The following SHISA9 variants were observed in gnomAD, a reference collection of about 807,000 sequenced individuals.
SHISA9 encodes the protein protein shisa-9.
Under a neutral mutation model 38.0 loss-of-function variants are expected in SHISA9, and 13 were observed. That is an observed-to-expected ratio of 0.34 (90% confidence interval 0.22 to 0.54). The LOEUF is 0.54. Ranked by LOEUF, SHISA9 falls within the 20% of genes least tolerant of loss-of-function variation. The probability of loss-of-function intolerance (pLI) is 0.91; values close to 1 mark genes in which losing one functional copy is unlikely to be tolerated. For missense variants in SHISA9, 538 were observed against 575.8 expected, an observed-to-expected ratio of 0.93 and a Z score of 0.67; for synonymous variants, 275 against 242.0, an observed-to-expected ratio of 1.14 and a Z score of -1.27.
At chr16:13,148,777 T>C (rs1199394857) in intron 2 of SHISA9, among the ~76,000 whole-genome samples, 7 of 150,928 alleles carry the variant, frequency 4.6e-5, no homozygotes, top group African/African-American at 1.5e-4. Flanking sequence ...TAATTCAACA[T>C]TGAAAAATTG....
At chr16:13,414,646 C>CTTTTTTTTTTTTTTTTTTTTTT in the SHISA9 span, among the ~76,000 whole-genome samples, 1 of 136,608 alleles carries the variant, frequency 7.3e-6, no homozygotes, top group Admixed American at 8.1e-5. Flanking sequence ...TTCTTTCTTT[C>CTTTTTTTTTTTTTTTTTTTTTT]TTTCTTTTTT....
chr16:13,522,171 A>G, the SHISA9 span, among the ~76,000 whole-genome samples: 124 of 152,324 alleles, frequency 8.1e-4, no homozygotes, highest in African/African-American at 3.0e-3. Flanking sequence ...AGAGGGCTGC[A>G]TTGGTATCTG....
chr16:13,549,233 G>T, the SHISA9 span, among the ~76,000 whole-genome samples: 52,236 of 152,052 alleles, frequency 0.34, 9,876 homozygotes, highest in East Asian at 0.61. Context: ...TTAGGGAAAT[G>T]GGGAGATGTA....
At chr16:13,244,327 C>T (rs548811504), downstream of SHISA9, among the ~76,000 whole-genome samples, 3 of 152,144 alleles carry the variant, frequency 2.0e-5, no homozygotes, top group Non-Finnish European at 2.9e-5. Flanking sequence ...CAGGGGTCCA[C>T]TTATGTGTGA....
intron 2 of SHISA9, among the ~76,000 whole-genome samples, chr16:13,037,465 G>A (rs1303003819): frequency 1.3e-5 from 2 of 152,040 alleles, no homozygotes; most frequent in Non-Finnish European, 2.9e-5. Context: ...GGGGAGGGGA[G>A]CAGCAGTGAG....
At chr16:13,462,916 C>T in the SHISA9 span, among the ~76,000 whole-genome samples, 2 of 152,056 alleles carry the variant, frequency 1.3e-5, no homozygotes, top group African/African-American at 2.4e-5. Context: ...GAGCCGAGAT[C>T]GCACCATTGC....
intron 2 of SHISA9, among the ~76,000 whole-genome samples, chr16:13,158,430 A>G (rs2050565734): frequency 6.6e-6 from 1 of 152,220 alleles, no homozygotes; most frequent in South Asian, 2.1e-4. Context: ...CAAAGAGAGA[A>G]AAAATAGCCA....
At chr16:13,557,189 A>C in the SHISA9 span, among the ~76,000 whole-genome samples, 3 of 152,194 alleles carry the variant, frequency 2.0e-5, no homozygotes, top group African/African-American at 7.2e-5. Context: ...CCTCTCCCCT[A>C]AGGAGGTAGA....
At chr16:13,103,948 C>T (rs2073902946) in intron 2 of SHISA9, among the ~76,000 whole-genome samples, 1 of 152,130 alleles carries the variant, frequency 6.6e-6, no homozygotes, top group Admixed American at 6.6e-5. Context: ...TCTCCAAGCT[C>T]CAAAGCCATC....
At position 13,198,917 on chromosome 16, in the gene SHISA9, T is replaced by C. The variant is rs185634370; in HGVS notation, c.692-4477T>C. On this transcript the variant is annotated intron_variant, in intron 2 of 4. Transcript: ENST00000558583. ...GCTTTGGTGGGGTATTATGGTTGTG[T>C]CTACTTATATTAAGTAACTACTCAC... Among the ~76,000 whole-genome samples, 249 of 152,324 alleles carry C rather than the reference T, an allele frequency of 1.6e-3. 2 individuals are homozygous for C. The highest frequency in any genetic ancestry group is 5.7e-3 in the African/African-American group (236 of 41,564).
At chr16:13,487,773 A>G in the SHISA9 span, among the ~76,000 whole-genome samples, 26 of 152,208 alleles carry the variant, frequency 1.7e-4, no homozygotes, top group African/African-American at 5.8e-4. Flanking sequence ...TCATTGTTAT[A>G]TTGTTATCTG....
At chr16:13,267,024 A>G in the SHISA9 span, among the ~76,000 whole-genome samples, 1 of 152,256 alleles carries the variant, frequency 6.6e-6, no homozygotes, top group Non-Finnish European at 1.5e-5. Context: ...AGATTTATCA[A>G]GTTGCTGAAA....
intron 2 of SHISA9, among the ~76,000 whole-genome samples, chr16:12,927,988 A>G (rs2071414782): frequency 6.6e-6 from 1 of 152,200 alleles, no homozygotes; most frequent in African/African-American, 2.4e-5. Context: ...CGATTTTGCC[A>G]AAAAAGAAAA....
chr16:13,017,477 C>A (rs2072771846), intron 2 of SHISA9, among the ~76,000 whole-genome samples: 1 of 152,176 alleles, frequency 6.6e-6, no homozygotes, highest in South Asian at 2.1e-4. Flanking sequence ...CTGAAAGTCT[C>A]ATAGCTACTG....
chr16:13,493,924 T>C, the SHISA9 span, among the ~76,000 whole-genome samples: 1 of 151,930 alleles, frequency 6.6e-6, no homozygotes, highest in East Asian at 1.9e-4. Flanking sequence ...CAGAGGAAAG[T>C]TCCAGACTCA....
intron 2 of SHISA9, among the ~76,000 whole-genome samples, chr16:13,021,093 G>A (rs972870026): frequency 1.3e-5 from 2 of 152,174 alleles, no homozygotes; most frequent in Non-Finnish European, 2.9e-5. Flanking sequence ...TTTATGGACG[G>A]CAATAGCTAT....
the SHISA9 span, among the ~76,000 whole-genome samples, chr16:13,260,529 T>C: frequency 3.9e-5 from 6 of 152,184 alleles, no homozygotes; most frequent in African/African-American, 1.4e-4. Flanking sequence ...CACCAGTCTT[T>C]GCTAAAACAT....
chr16:13,394,850 C>T, the SHISA9 span, among the ~76,000 whole-genome samples: 1 of 152,112 alleles, frequency 6.6e-6, no homozygotes, highest in Non-Finnish European at 1.5e-5. Flanking sequence ...CTCACTTGCA[C>T]ACAAACGAAT....
intron 2 of SHISA9, among the ~76,000 whole-genome samples, chr16:13,093,629 C>T (rs2073797258): frequency 6.6e-6 from 1 of 152,050 alleles, no homozygotes; most frequent in Admixed American, 6.6e-5. Context: ...GTCTCGTTTC[C>T]CTTTAGTAAC....
Sources: allele counts gnomAD v4.1 joint callset (sites outside exome capture counted in the v4.1 genomes callset), GRCh38; gene constraint gnomAD v4.1.1; transcripts MANE v1.5; gene names NCBI Gene and HGNC (gene_info 2026-07-23, HGNC 2026-07-21).